Variants in KCNH1 observed in about 807,000 individuals in gnomAD.
The protein encoded by KCNH1 is voltage-gated delayed rectifier potassium channel KCNH1.
KCNH1 carries 27 observed loss-of-function variants against 69.2 expected under a neutral mutation model. The ratio of observed to expected loss-of-function variants is 0.39; its 90% CI spans 0.29 to 0.54. The LOEUF is 0.54. Among genes scored for constraint, KCNH1 ranks in the 20% least tolerant of loss-of-function variants. The probability of loss-of-function intolerance (pLI) is 0.68; values close to 1 mark genes in which losing one functional copy is unlikely to be tolerated. For synonymous variants in KCNH1, 456 were observed against 487.7 expected (o/e 0.93, Z 0.86); for missense variants, 798 against 1,261.6 (o/e 0.63, Z 5.57).
intron 5 of KCNH1, among the ~76,000 whole-genome samples, chr1:211,034,182 C>T (rs1689852491): frequency 1.3e-5 from 2 of 152,076 alleles, no homozygotes; most frequent in African/African-American, 4.8e-5. Context: ...CGGAAACAAT[C>T]CAAATATCCT....
At chr1:210,845,025 C>A (rs1474573627) in intron 7 of KCNH1, among the ~76,000 whole-genome samples, 1 of 152,032 alleles carries the variant, frequency 6.6e-6, no homozygotes, top group Non-Finnish European at 1.5e-5. Context: ...AAGACTAAAC[C>A]AGGAAGAAGT....
At chr1:210,955,583 A>G (rs992196601) in intron 6 of KCNH1, among the ~76,000 whole-genome samples, 1 of 152,140 alleles carries the variant, frequency 6.6e-6, no homozygotes, top group Non-Finnish European at 1.5e-5. Flanking sequence ...TTCAGTAAGC[A>G]GTGGTTTGTA....
intron 7 of KCNH1, among the ~76,000 whole-genome samples, chr1:210,856,035 T>C (rs1238357907): frequency 1.3e-5 from 2 of 152,172 alleles, no homozygotes; most frequent in Non-Finnish European, 2.9e-5. Flanking sequence ...TGTTACTTTG[T>C]CTCTATCACC....
intron 6 of KCNH1, among the ~76,000 whole-genome samples, chr1:210,991,592 T>G (rs908067188): frequency 7.8e-6 from 1 of 127,516 alleles, no homozygotes; most frequent in Admixed American, 8.2e-5. Flanking sequence ...CCAGAAGGTT[T>G]TCTGTTCTTG....
intron 6 of KCNH1, among the ~76,000 whole-genome samples, chr1:210,938,237 A>C (rs1418078391): frequency 6.6e-6 from 1 of 152,242 alleles, no homozygotes; most frequent in East Asian, 1.9e-4. Context: ...TGTTAAGCAT[A>C]TTGGTATTCC....
chr1:211,133,724 A>T lies in KCNH1; in HGVS notation c.79+143T>A. The T allele has an allele frequency of 1.8e-6, 1 of 569,912 alleles. No homozygotes were observed. Among genetic ancestry groups the T allele is most frequent in the South Asian group, 1.9e-5 (1 of 53,260 alleles). 35.3% of individuals were successfully genotyped at this position (569,912 alleles called of 1,614,324 possible). A position where few individuals can be genotyped will look rare whatever the true frequency, so the allele number is the denominator to read the frequency against. ...CTGCCCACCTTTCTCTGCCTCGGGG[A>T]GGCTGCCCTGGGTGCCCGCGCCGCG... On this transcript the variant is annotated intron_variant, in intron 1 of 10. Coordinates refer to ENST00000271751, the MANE Select transcript of KCNH1 (RefSeq NM_172362.3). This position sits in a 1 kb window ranked among gnomAD's most constrained non-coding sequence, Gnocchi z 5.4.
chr1:210,914,644 G>A (rs1378429853), intron 7 of KCNH1, among the ~76,000 whole-genome samples: 2 of 152,074 alleles, frequency 1.3e-5, no homozygotes, highest in African/African-American at 4.8e-5. Flanking sequence ...GAGTTTCCAG[G>A]CCTGAGGAAG....
intron 10 of KCNH1, among the ~76,000 whole-genome samples, chr1:210,752,060 T>C (rs963132430): frequency 1.3e-5 from 2 of 152,152 alleles, no homozygotes; most frequent in Non-Finnish European, 2.9e-5. Context: ...GTGAGTACAC[T>C]GCATGTTCTG....
At chr1:211,010,478 C>T (rs558423580) in intron 6 of KCNH1, among the ~76,000 whole-genome samples, 1 of 152,266 alleles carries the variant, frequency 6.6e-6, no homozygotes, top group Admixed American at 6.5e-5. Context: ...TGGACTTGGC[C>T]TTCTTCCCTC....
chr1:210,711,550 C>T (rs1682075314), intron 10 of KCNH1, among the ~76,000 whole-genome samples: 1 of 152,166 alleles, frequency 6.6e-6, no homozygotes, highest in South Asian at 2.1e-4. Context: ...GTTGCCTTTC[C>T]TCCTCCTCTT....
intron 5 of KCNH1, 130 bp from the exon 6 acceptor site, chr1:211,019,386 G>A (rs1413416251): frequency 6.5e-6 from 4 of 615,278 alleles, no homozygotes; most frequent in Non-Finnish European, 2.9e-6. Context: ...TAACAGGTAT[G>A]AAAGAAGTAT....
chr1:210,824,094 C>A (rs1016994011), intron 7 of KCNH1, among the ~76,000 whole-genome samples: 2 of 152,092 alleles, frequency 1.3e-5, no homozygotes, highest in Non-Finnish European at 2.9e-5. Flanking sequence ...AGCCACTATA[C>A]CCCGACCTCT....
chr1:210,948,223 A>G (rs1043185136), intron 6 of KCNH1, among the ~76,000 whole-genome samples: 2 of 151,846 alleles, frequency 1.3e-5, no homozygotes, highest in African/African-American at 4.8e-5. Flanking sequence ...AAAAAAGATA[A>G]TGGATACAAA....
intron 9 of KCNH1, among the ~76,000 whole-genome samples, chr1:210,790,286 T>C (rs539849090): frequency 6.6e-6 from 1 of 152,342 alleles, no homozygotes; most frequent in East Asian, 1.9e-4. Flanking sequence ...GGATACCCTA[T>C]TGGCCATTAA....
chr1:211,008,490 A>G (rs190204304), intron 6 of KCNH1, among the ~76,000 whole-genome samples: 1 of 152,172 alleles, frequency 6.6e-6, no homozygotes, highest in African/African-American at 2.4e-5. Context: ...CACGCCAGTA[A>G]AAGTGAGCAA....
chr1:210,892,925 T>C (rs559436718), intron 7 of KCNH1, among the ~76,000 whole-genome samples: 1 of 152,252 alleles, frequency 6.6e-6, no homozygotes, highest in South Asian at 2.1e-4. Flanking sequence ...GTTATACAAG[T>C]AGACAATTAT....
At chr1:210,782,726 CA>C (rs556874852) in intron 9 of KCNH1, among the ~76,000 whole-genome samples, 32 of 143,512 alleles carry the variant, frequency 2.2e-4, no homozygotes, top group African/African-American at 4.4e-4. Context: ...AACTCCGTCT[CA>C]AAAAAAAAAG....
intron 6 of KCNH1, among the ~76,000 whole-genome samples, chr1:210,937,550 G>A (rs1232171861): frequency 6.6e-6 from 1 of 152,184 alleles, no homozygotes; most frequent in African/African-American, 2.4e-5. Context: ...CCCAGAGGCA[G>A]TGGGTCATGG....
chr1:211,119,735 A>C (rs1297797153), intron 1 of KCNH1, among the ~76,000 whole-genome samples: 1 of 152,188 alleles, frequency 6.6e-6, no homozygotes, highest in African/African-American at 2.4e-5. Context: ...CTAAATTGCC[A>C]AAGGCCTAAT....
Sources: allele counts gnomAD v4.1 joint callset (sites outside exome capture counted in the v4.1 genomes callset), GRCh38; gene constraint gnomAD v4.1.1; non-coding constraint Gnocchi (gnomAD v3.1); transcripts MANE v1.5; gene names NCBI Gene and HGNC (gene_info 2026-07-23, HGNC 2026-07-21).